MARK1: variants seen among roughly 807,000 people sequenced by gnomAD.
MARK1 encodes the protein serine/threonine-protein kinase MARK1.
A neutral mutation model predicts 96.3 loss-of-function variants in MARK1; 40 were observed. That is an observed-to-expected ratio of 0.42 (90% CI 0.32 to 0.54). MARK1 has a LOEUF of 0.54. Ranked by LOEUF, MARK1 falls within the 20% of genes least tolerant of loss-of-function variation. The pLI is 0.16. For synonymous variants in MARK1, 317 were observed against 341.2 expected, an observed-to-expected ratio of 0.93 and a Z score of 0.78; for missense variants, 719 against 984.6, an observed-to-expected ratio of 0.73 and a Z score of 3.61.
intron 3 of MARK1, among the ~76,000 whole-genome samples, chr1:220,591,164 A>G (rs564156697): frequency 2.0e-5 from 3 of 152,310 alleles, no homozygotes; most frequent in Admixed American, 2.0e-4. Flanking sequence ...GATTGAATTT[A>G]TGAACTAATT....
In MARK1 at chr1:220,538,830, A is replaced by G. The variant is rs6670206; in HGVS notation, c.51+9957A>G. 9.3e-3 allele frequency among the ~76,000 whole-genome samples: 1,404 copies of G among 151,530 alleles called. 16 individuals are homozygous for G. The highest frequency in any genetic ancestry group is 0.029 in the African/African-American group (1,189 of 41,370). ...TAGGTATTTTATTCTCTTTGAAGCA[A>G]TTGTGAATGGGAGTTCACTCATGAT... On this transcript the variant is annotated intron_variant, in intron 1 of 17. Transcript: ENST00000366917.
intron 1 of MARK1, among the ~76,000 whole-genome samples, chr1:220,577,242 G>A (rs112786545): frequency 6.6e-6 from 1 of 151,506 alleles, no homozygotes; most frequent in Non-Finnish European, 1.5e-5. Context: ...ACTCCAGCCT[G>A]GGTGACAGAT....
intron 1 of MARK1, among the ~76,000 whole-genome samples, chr1:220,539,755 G>A (rs2589589): frequency 0.25 from 37,701 of 151,158 alleles, 5,554 homozygotes; most frequent in East Asian, 0.46. Flanking sequence ...CTAATGTGCC[G>A]TTGAAATTGA....
chr1:220,595,056 C>T (rs543593653), intron 3 of MARK1, among the ~76,000 whole-genome samples: 1 of 152,192 alleles, frequency 6.6e-6, no homozygotes, highest in East Asian at 1.9e-4. Context: ...ATGTACCTCT[C>T]TGGTTTGGGA....
Position 220,618,833 on chromosome 1 carries a change from T to A in MARK1, c.909+78T>A. The A allele has an allele frequency of 7.7e-7, 1 of 1,299,176 alleles. No homozygotes were observed. The highest frequency in any genetic ancestry group is 1.0e-6 in the Non-Finnish European group (1 of 963,442). 80.5% of individuals were successfully genotyped at this position (1,299,176 alleles called of 1,614,324 possible). The stretch of plus-strand genomic sequence containing the variant: ...GGAACCGAAGAGCATTTTTCTCCTA[T>A]GTTTTCTTAGGAAAATTGCCAAATT... On this transcript the variant is annotated intron_variant, in intron 9 of 17. Transcript: ENST00000366917. This position sits in a 1 kb window ranked among gnomAD's most constrained non-coding sequence, Gnocchi z 4.6.
rs55808704 is a variant in MARK1 at position 220,556,485 on chromosome 1, CAA to C, written c.52-22849_52-22848del. On this transcript the variant is annotated intron_variant, in intron 1 of 17. Transcript: ENST00000366917. ...AAATCTAGGACCCATGGGACTGTCA[CAA>C]AAAAAAAAAAAAAAAAAAACAAATT... Among the ~76,000 whole-genome samples the C allele has an allele frequency of 1.3e-4, 11 of 85,776 alleles. No homozygotes were observed. In the South Asian group the frequency reaches 3.0e-3, roughly 24 times the overall value. 56.3% of individuals were successfully genotyped at this position (85,776 alleles called of 152,430 possible).
At chr1:220,621,358 T>G (rs1667043721) in intron 9 of MARK1, among the ~76,000 whole-genome samples, 1 of 152,162 alleles carries the variant, frequency 6.6e-6, no homozygotes, top group Non-Finnish European at 1.5e-5. Flanking sequence ...GTGGAATTAC[T>G]GGGTCAAAGG....
chr1:220,532,594 ACCC>A, intron 1 of MARK1, among the ~76,000 whole-genome samples: 1 of 152,310 alleles, frequency 6.6e-6, no homozygotes, highest in East Asian at 1.9e-4. Flanking sequence ...TTAGTGACCT[ACCC>A]AAGGTTAATA....
intron 13 of MARK1, among the ~76,000 whole-genome samples, chr1:220,641,889 C>T (rs1274805269): frequency 6.6e-6 from 1 of 152,326 alleles, no homozygotes; most frequent in Non-Finnish European, 1.5e-5. Flanking sequence ...GGGCACTACG[C>T]TTTTCCCACA....
chr1:220,638,919 G>A lies in MARK1; in HGVS notation c.1470+2893G>A, dbSNP rs185571986. Among the ~76,000 whole-genome samples, 238 of 152,142 alleles carry A rather than the reference G, an allele frequency of 1.6e-3. 3 individuals carry two copies. Among genetic ancestry groups the A allele is most frequent in the Non-Finnish European group, 1.6e-3 (106 of 68,002 alleles). On this transcript the variant is annotated intron_variant, in intron 13 of 17. Coordinates refer to ENST00000366917, the MANE Select transcript of MARK1 (RefSeq NM_018650.5). ...AATTATAACTAGTGCTAATCATTTA[G>A]GATTAATTCTTCTATAGGTTTTCCT...
At chr1:220,607,805 A>G (rs1186678917) in intron 6 of MARK1, among the ~76,000 whole-genome samples, 2 of 152,156 alleles carry the variant, frequency 1.3e-5, no homozygotes, top group South Asian at 2.1e-4. Flanking sequence ...TTCTGCATCT[A>G]TTGAGATAAT....
intron 9 of MARK1, among the ~76,000 whole-genome samples, chr1:220,624,894 G>A (rs556381675): frequency 6.6e-6 from 1 of 152,292 alleles, no homozygotes; most frequent in South Asian, 2.1e-4. Flanking sequence ...GAACTCTCTT[G>A]TATTCCATCC....
At position 220,618,592 on chromosome 1, in the gene MARK1, A is replaced by G. The variant is rs1292174956; in HGVS notation, c.790-44A>G. ...TAATGTTTTATCCCCAAGTATGATT[A>G]TGTCAAAAACCAGTTATAAGTGCTT... On this transcript the variant is annotated intron_variant, in intron 8 of 17. Transcript: ENST00000366917. The surrounding 1 kb of genome is among the most constrained non-coding windows in gnomAD (Gnocchi z 4.6). 5 of 1,613,090 alleles carry G rather than the reference A, an allele frequency of 3.1e-6. 1 individual carries two copies. The South Asian group carries it at 5.5e-5, about 18-fold the overall frequency.
At chr1:220,548,726 A>G (rs994409434) in intron 1 of MARK1, among the ~76,000 whole-genome samples, 2 of 152,198 alleles carry the variant, frequency 1.3e-5, no homozygotes, top group Non-Finnish European at 2.9e-5. Flanking sequence ...ACTGCACTCC[A>G]GCCTGGGTGG....
At chr1:220,609,790 A>T (rs1572170326) in intron 6 of MARK1, among the ~76,000 whole-genome samples, 1 of 152,064 alleles carries the variant, frequency 6.6e-6, no homozygotes, top group East Asian at 1.9e-4. Context: ...TCTGTAAAGG[A>T]TTTTATTTCT....
intron 13 of MARK1, among the ~76,000 whole-genome samples, chr1:220,637,722 A>G (rs1346767758): frequency 1.3e-5 from 2 of 152,036 alleles, no homozygotes; most frequent in Non-Finnish European, 2.9e-5. Context: ...CATTAGCAGT[A>G]AGCAGCAAAC....
chr1:220,556,593 A>C (rs1662281427), intron 1 of MARK1, among the ~76,000 whole-genome samples: 1 of 152,052 alleles, frequency 6.6e-6, no homozygotes, highest in Non-Finnish European at 1.5e-5. Flanking sequence ...AAGAACTGGA[A>C]ATAATGCGAC....
intron 1 of MARK1, among the ~76,000 whole-genome samples, chr1:220,534,651 G>A (rs1353433976): frequency 6.6e-6 from 1 of 152,072 alleles, no homozygotes; most frequent in Non-Finnish European, 1.5e-5. Flanking sequence ...GACTGAAACA[G>A]TGTACATATT....
intron 5 of MARK1, 42 bp from the exon 6 acceptor site, chr1:220,604,025 A>G (rs755661920): frequency 1.5e-6 from 2 of 1,310,644 alleles, no homozygotes; most frequent in Non-Finnish European, 2.1e-6. Flanking sequence ...TTAACCAAAA[A>G]TCTATGTATA....
Sources: gnomAD v4.1 joint callset for allele counts (sites outside exome capture counted in the v4.1 genomes callset) on GRCh38, gnomAD v4.1.1 for gene constraint, Gnocchi (gnomAD v3.1) non-coding constraint, MANE v1.5 for transcripts, NCBI Gene and HGNC (gene_info 2026-07-23, HGNC 2026-07-21) for gene names.